MANBAL: variants seen among roughly 807,000 people sequenced by gnomAD.
The protein encoded by MANBAL is mannosidase beta like.
A neutral mutation model predicts 6.4 loss-of-function variants in MANBAL; 1 was observed. The observed-to-expected ratio is 0.16, with a 90% CI of 0.06 to 0.74. MANBAL has a LOEUF of 0.74. Ranked by LOEUF, MANBAL falls within the 30% of genes least tolerant of loss-of-function variation. MANBAL has a pLI of 0.78. For synonymous variants in MANBAL, 47 were observed against 45.8 expected, an observed-to-expected ratio of 1.03 and a Z score of -0.10; for missense variants, 100 against 107.8, an observed-to-expected ratio of 0.93 and a Z score of 0.32.
Position 37,303,074 on chromosome 20 carries a change from C to A in MANBAL, c.150+1661C>A, listed in dbSNP as rs2069174297. 2.0e-5 allele frequency among the ~76,000 whole-genome samples: 3 copies of A among 152,080 alleles called. No individual in the cohort carries two copies. The South Asian group carries it at 6.2e-4, about 31-fold the overall frequency. On this transcript the variant is annotated intron_variant, in intron 2 of 2. Coordinates refer to ENST00000373606, the MANE Select transcript of MANBAL (RefSeq NM_001003897.2). ...ACTACAGGTGTGCCACCATGGCTGG[C>A]TAATTTTTGTATTTTTAGTAGAGAC... is the stretch of plus-strand genomic sequence containing the variant.
chr20:37,315,273 G>C (rs2146837188), intron 2 of MANBAL, among the ~76,000 whole-genome samples: 1 of 152,354 alleles, frequency 6.6e-6, no homozygotes, highest in Admixed American at 6.5e-5. Flanking sequence ...GCCAGATGAA[G>C]TCTGTGGCCT....
chr20:37,316,649 C>G lies in MANBAL; in HGVS notation c.*234C>G. On this transcript the variant is annotated 3_prime_UTR_variant, in exon 3 of 3. Transcript: ENST00000373606. ...TTAGAGTCAAGGGGGCTGAAACACA[C>G]TGTGAGCATAGACTGTATTAGGTTT... is the stretch of plus-strand genomic sequence containing the variant. The G allele has an allele frequency of 2.4e-6, 1 of 417,174 alleles. No homozygotes were observed. The highest frequency in any genetic ancestry group is 4.4e-6 in the Non-Finnish European group (1 of 224,792). The allele number at this position is 417,174 out of a possible 1,614,324, so 25.8% of individuals were successfully genotyped here. A position where few individuals can be genotyped will look rare whatever the true frequency, so the allele number is the denominator to read the frequency against.
intron 1 of MANBAL, among the ~76,000 whole-genome samples, chr20:37,300,662 G>T (rs2069113125): frequency 6.6e-6 from 1 of 152,168 alleles, no homozygotes; most frequent in Non-Finnish European, 1.5e-5. Flanking sequence ...TGAGATTTTT[G>T]TTGAAGTGCT....
At chr20:37,307,220 C>T (rs1024568075) in intron 2 of MANBAL, among the ~76,000 whole-genome samples, 4 of 152,152 alleles carry the variant, frequency 2.6e-5, no homozygotes, top group African/African-American at 7.2e-5. Context: ...CTCACCTTGG[C>T]CTCCCAAAGT....
Position 37,316,600 on chromosome 20 carries a change from T to C in MANBAL, c.*185T>C. The C allele has an allele frequency of 2.0e-6, 1 of 505,710 alleles. No homozygotes were observed. Among genetic ancestry groups the C allele is most frequent in the Non-Finnish European group, 3.6e-6 (1 of 277,680 alleles). The allele number at this position is 505,710 out of a possible 1,614,324, so 31.3% of individuals were successfully genotyped here. A position where few individuals can be genotyped will look rare whatever the true frequency, so the allele number is the denominator to read the frequency against. On this transcript the variant is annotated 3_prime_UTR_variant, in exon 3 of 3. Coordinates refer to ENST00000373606, the MANE Select transcript of MANBAL (RefSeq NM_001003897.2). Reference sequence around the variant, plus strand: ...TCCAGCTGGGCAATCCACCACTTCCTCTTCCTTCTGCTTCTGTGACGGTTT... The same window carrying C: ...TCCAGCTGGGCAATCCACCACTTCCCCTTCCTTCTGCTTCTGTGACGGTTT...
chr20:37,316,262 A>G (rs2069512567), intron 2 of MANBAL, 46 bp from the exon 3 acceptor site: 1 of 1,548,288 alleles, frequency 6.5e-7, no homozygotes, highest in Non-Finnish European at 8.8e-7. Flanking sequence ...TGCTGGCGTC[A>G]GGCTTGATCC....
chr20:37,310,691 G>A (rs550839501), intron 2 of MANBAL, among the ~76,000 whole-genome samples: 2 of 152,306 alleles, frequency 1.3e-5, no homozygotes, highest in African/African-American at 4.8e-5. Context: ...CCTGGTAAGC[G>A]CTGCAGAGCT....
intron 2 of MANBAL, among the ~76,000 whole-genome samples, chr20:37,308,927 G>C (rs1299510181): frequency 1.3e-5 from 2 of 152,152 alleles, no homozygotes; most frequent in Non-Finnish European, 2.9e-5. Context: ...AGTGCATCTC[G>C]TCAGCTCACA....
At chr20:37,311,527 G>A (rs902146503) in intron 2 of MANBAL, among the ~76,000 whole-genome samples, 1 of 152,128 alleles carries the variant, frequency 6.6e-6, no homozygotes, top group Non-Finnish European at 1.5e-5. Flanking sequence ...TGCTCTTGTT[G>A]CCCAGGCTGG....
intron 2 of MANBAL, among the ~76,000 whole-genome samples, chr20:37,306,708 G>A (rs1402185184): frequency 1.3e-5 from 2 of 152,276 alleles, no homozygotes; most frequent in Non-Finnish European, 1.5e-5. Flanking sequence ...CATCTCTCAT[G>A]CCAAGTCTGA....
At chr20:37,295,782 C>T (rs1200331871) in intron 1 of MANBAL, among the ~76,000 whole-genome samples, 8 of 152,306 alleles carry the variant, frequency 5.3e-5, no homozygotes, top group East Asian at 1.9e-4. Flanking sequence ...AACACCTGGC[C>T]GTTCATTTGC....
Position 37,302,968 on chromosome 20 carries a change from A to G in MANBAL, c.150+1555A>G, listed in dbSNP as rs540052395. Among the ~76,000 whole-genome samples, 274 of 152,292 alleles carry G rather than the reference A, an allele frequency of 1.8e-3. 1 individual carries two copies. The highest frequency in any genetic ancestry group is 6.3e-3 in the African/African-American group (263 of 41,544). Reference sequence around the variant, plus strand: ...TTGTCTGTTGCCCAGGCTGGAGTGCAGTGGCACAATCACAGCTCACTGCAA... The same window carrying G: ...TTGTCTGTTGCCCAGGCTGGAGTGCGGTGGCACAATCACAGCTCACTGCAA... On this transcript the variant is annotated intron_variant, in intron 2 of 2. Transcript: ENST00000373606.
chr20:37,313,434 GTGGCTCACGCC>G (rs1194863714), intron 2 of MANBAL, among the ~76,000 whole-genome samples: 1 of 152,164 alleles, frequency 6.6e-6, no homozygotes, highest in Non-Finnish European at 1.5e-5. Context: ...GCTGGGCGCA[GTGGCTCACGCC>G]TGTAATCCCA....
intron 2 of MANBAL, chr20:37,302,288 T>C: frequency 3.2e-6 from 5 of 1,550,624 alleles, no homozygotes; most frequent in Admixed American, 2.0e-5. Flanking sequence ...AGGAGTTCCA[T>C]GTAGAGGCCT....
rs769002006 is a variant in MANBAL at position 37,316,423 on chromosome 20, G to A, written c.*8G>A. 9.9e-6 allele frequency: 16 copies of A among 1,610,888 alleles called. No individual in the cohort carries two copies. Among genetic ancestry groups the A allele is most frequent in the Non-Finnish European group, 1.4e-5 (16 of 1,178,214 alleles). Reference sequence around the variant, plus strand: ...ACTAAGAAGAAGCGGTAGAAGAGGAGGCCTGAGGAGCTGGGCGGGCAGGGA... The same window carrying A: ...ACTAAGAAGAAGCGGTAGAAGAGGAAGCCTGAGGAGCTGGGCGGGCAGGGA... On this transcript the variant is annotated 3_prime_UTR_variant, in exon 3 of 3. Transcript: ENST00000373606.
intron 2 of MANBAL, among the ~76,000 whole-genome samples, chr20:37,306,861 T>G (rs958851315): frequency 6.6e-6 from 1 of 152,180 alleles, no homozygotes; most frequent in African/African-American, 2.4e-5. Flanking sequence ...CCAATGATTC[T>G]CCACAAGGCT....
intron 1 of MANBAL, among the ~76,000 whole-genome samples, chr20:37,299,480 A>G (rs2069081718): frequency 6.6e-6 from 1 of 152,252 alleles, no homozygotes; most frequent in Non-Finnish European, 1.5e-5. Context: ...TCTCAATTCA[A>G]ACTAGCTGCG....
At chr20:37,290,539 A>G (rs1053847948) in intron 1 of MANBAL, among the ~76,000 whole-genome samples, 8 of 151,062 alleles carry the variant, frequency 5.3e-5, no homozygotes, top group African/African-American at 1.5e-4. Flanking sequence ...GCTCACTGCA[A>G]CCTCCGCTTC....
chr20:37,311,561 C>T (rs1199393993), intron 2 of MANBAL, among the ~76,000 whole-genome samples: 2 of 152,160 alleles, frequency 1.3e-5, no homozygotes, highest in Non-Finnish European at 2.9e-5. Context: ...GATCTCGGCT[C>T]ACGGCAGCCC....
Sources: allele counts gnomAD v4.1 joint callset (sites outside exome capture counted in the v4.1 genomes callset), GRCh38; gene constraint gnomAD v4.1.1; transcripts MANE v1.5; gene names NCBI Gene and HGNC (gene_info 2026-07-23, HGNC 2026-07-21).